The following RUVBL1 variants were observed in gnomAD, a reference collection of about 807,000 sequenced individuals.
The protein encoded by RUVBL1 is ruvB-like 1.
Under a neutral mutation model 52.4 loss-of-function variants are expected in RUVBL1, and 4 were observed. The observed-to-expected ratio is 0.08, with a 90% CI of 0.04 to 0.17. The LOEUF (loss-of-function observed/expected upper bound fraction) is 0.17. Among genes scored for constraint, RUVBL1 ranks in the 10% least tolerant of loss-of-function variants. The pLI is 1.00. For synonymous variants in RUVBL1, 217 were observed against 214.4 expected, an observed-to-expected ratio of 1.01 and a Z score of -0.10; for missense variants, 298 against 572.8, an observed-to-expected ratio of 0.52 and a Z score of 4.90.
chr3:128,073,287 C>T (rs1942221948), intron 9 of RUVBL1, among the ~76,000 whole-genome samples: 2 of 152,308 alleles, frequency 1.3e-5, no homozygotes, highest in Admixed American at 1.3e-4. Context: ...TGGCACTCCG[C>T]TCCATCCATG....
rs11452118 is a variant in RUVBL1 at position 128,093,449 on chromosome 3, CA to C, written c.1016+3850del. Among the ~76,000 whole-genome samples the C allele has an allele frequency of 2.1e-3, 307 of 145,972 alleles. 2 individuals carry two copies. The highest frequency in any genetic ancestry group is 6.8e-3 in the African/African-American group (275 of 40,344). ...AACTCTGTGAATACACTAGAAATCA[CA>C]AAAAAAAACTGTATTTTATATGAAT... On this transcript the variant is annotated intron_variant, in intron 8 of 10. Coordinates refer to ENST00000322623, the MANE Select transcript of RUVBL1 (RefSeq NM_003707.3).
chr3:128,067,707 CGT>C lies in RUVBL1; in HGVS notation c.940-2489_940-2488del. ...CCTCATCATAAATAATGGTCTGTGACGTGTGCAGATAGATCGTCGTCCTTTAG... is the reference window on the plus strand; with the variant it reads ...CCTCATCATAAATAATGGTCTGTGACGTGCAGATAGATCGTCGTCCTTTAG... On this transcript the variant is annotated intron_variant, in intron 9 of 9. Coordinates refer to the RUVBL1 transcript ENST00000464873. The surrounding 1 kb of genome is among the most constrained non-coding windows in gnomAD (Gnocchi z 4.1). 3.8e-6 allele frequency: 4 copies of C among 1,063,028 alleles called. No homozygotes were observed. Among genetic ancestry groups the C allele is most frequent in the South Asian group, 1.5e-5 (1 of 65,718 alleles). 65.8% of individuals were successfully genotyped at this position (1,063,028 alleles called of 1,614,324 possible).
At chr3:128,103,874 G>C (rs1420359157) in intron 4 of RUVBL1, among the ~76,000 whole-genome samples, 1 of 152,146 alleles carries the variant, frequency 6.6e-6, no homozygotes, top group East Asian at 1.9e-4. Flanking sequence ...CAATAAATGA[G>C]AGCTATAATG....
chr3:128,065,749 T>TTTC (rs1445485927), intron 9 of RUVBL1, among the ~76,000 whole-genome samples: 1 of 145,686 alleles, frequency 6.9e-6, no homozygotes, highest in East Asian at 2.0e-4. Context: ...TTTTTTTTTT[T>TTTC]TTTTTGAGAC....
In RUVBL1 at chr3:128,081,310, G is replaced by A; in HGVS notation, c.1311C>T (p.Phe437=). The A allele has an allele frequency of 1.2e-6, 2 of 1,614,216 alleles. No individual in the cohort carries two copies. The highest frequency in any genetic ancestry group is 1.7e-6 in the Non-Finnish European group (2 of 1,180,042). Reference sequence around the variant, plus strand: ...TTTTGGCGGAGGACTTGGCATCATAGAAAAGTTCACTGATCTCTTCGACAT... The same window carrying A: ...TTTTGGCGGAGGACTTGGCATCATAAAAAAGTTCACTGATCTCTTCGACAT... ...KEHVEEISEL[F]YDAKSSAKIL... The change falls in exon 11 of 11, where the codon TTC becomes TTT. Residue 437 remains phenylalanine, a synonymous_variant. Transcript: ENST00000322623. This position sits in a 1 kb window ranked among gnomAD's most constrained non-coding sequence, Gnocchi z 4.8.
chr3:128,101,522 A>C (rs371199045), intron 5 of RUVBL1, 37 bp downstream of exon 5: 83 of 1,591,196 alleles, frequency 5.2e-5, no homozygotes, highest in Non-Finnish European at 6.1e-5. Context: ...ATGGCAAACA[A>C]ATCAGGGACA....
intron 6 of RUVBL1, among the ~76,000 whole-genome samples, chr3:128,099,384 G>A (rs1052275158): frequency 3.3e-5 from 5 of 152,178 alleles, no homozygotes; most frequent in Non-Finnish European, 4.4e-5. Flanking sequence ...GACCCTAACC[G>A]GACTCAGGAC....
intron 2 of RUVBL1, among the ~76,000 whole-genome samples, chr3:128,115,910 G>A (rs946183314): frequency 1.3e-5 from 2 of 150,186 alleles, no homozygotes; most frequent in African/African-American, 4.9e-5. Flanking sequence ...TGGATTGCTT[G>A]AGCCCAGGAG....
intron 2 of RUVBL1, among the ~76,000 whole-genome samples, chr3:128,113,998 C>T (rs1943458272): frequency 6.6e-6 from 1 of 152,228 alleles, no homozygotes; most frequent in Non-Finnish European, 1.5e-5. Context: ...TAACAAGTTA[C>T]ACTTAAACAC....
chr3:128,094,106 A>G (rs1942914953), intron 8 of RUVBL1, among the ~76,000 whole-genome samples: 1 of 152,198 alleles, frequency 6.6e-6, no homozygotes, highest in Non-Finnish European at 1.5e-5. Flanking sequence ...TACTCTTCAC[A>G]TAATTCTGCA....
chr3:128,116,396 C>T (rs375680616), intron 2 of RUVBL1, among the ~76,000 whole-genome samples: 2 of 151,262 alleles, frequency 1.3e-5, no homozygotes, highest in African/African-American at 2.4e-5. Context: ...CAAAAATTAG[C>T]CAGGCACCTG....
chr3:128,096,154 G>A (rs1374971297), intron 8 of RUVBL1, among the ~76,000 whole-genome samples: 1 of 152,148 alleles, frequency 6.6e-6, no homozygotes, highest in Admixed American at 6.5e-5. Context: ...CTCTATTGCA[G>A]GCTTGAAAAC....
At chr3:128,070,051 C>G (rs1402466218) in intron 9 of RUVBL1, 1 of 166,616 alleles carries the variant, frequency 6.0e-6, no homozygotes, top group Non-Finnish European at 1.3e-5. Context: ...ACTGAAATGT[C>G]TACGTTTCAT....
chr3:128,118,609 G>T (rs2107714186), intron 2 of RUVBL1, among the ~76,000 whole-genome samples: 1 of 151,886 alleles, frequency 6.6e-6, no homozygotes, highest in South Asian at 2.1e-4. Flanking sequence ...TATCTGGCCA[G>T]TCCCCTCACG....
intron 1 of RUVBL1, among the ~76,000 whole-genome samples, chr3:128,146,620 G>A (rs900884973): frequency 2.7e-5 from 4 of 150,452 alleles, no homozygotes; most frequent in South Asian, 2.1e-4. Flanking sequence ...CTGTGTGCAC[G>A]TCTGTGTGTG....
chr3:128,129,440 C>A (rs1943843235), intron 1 of RUVBL1, among the ~76,000 whole-genome samples: 1 of 151,978 alleles, frequency 6.6e-6, no homozygotes, highest in Non-Finnish European at 1.5e-5. Flanking sequence ...TAGCTATGAA[C>A]AGCTATAATA....
At chr3:128,131,196 G>C (rs1442983348) in intron 1 of RUVBL1, among the ~76,000 whole-genome samples, 1 of 151,984 alleles carries the variant, frequency 6.6e-6, no homozygotes, top group African/African-American at 2.4e-5. Context: ...TGATAACAAA[G>C]CCAGATAAAA....
chr3:128,127,148 G>A (rs1943804854), upstream of RUVBL1, among the ~76,000 whole-genome samples: 2 of 152,292 alleles, frequency 1.3e-5, no homozygotes, highest in East Asian at 3.9e-4. Context: ...CAAGACAGAG[G>A]AAAGGAAAGC....
chr3:128,153,492 A>AGGCGGC (rs534678215), exon 1 of RUVBL1: 146 of 1,476,274 alleles, frequency 9.9e-5, no homozygotes, highest in Non-Finnish European at 1.2e-4. Context: ...CGGGTGTCCG[A>AGGCGGC]GGCGGCGGCG....
Sources: gnomAD v4.1 joint callset for allele counts (sites outside exome capture counted in the v4.1 genomes callset) on GRCh38, gnomAD v4.1.1 for gene constraint, Gnocchi (gnomAD v3.1) non-coding constraint, MANE v1.5 for transcripts, NCBI Gene and HGNC (gene_info 2026-07-23, HGNC 2026-07-21) for gene names.